The following ARMC3 variants were observed in gnomAD, a reference collection of about 807,000 sequenced individuals.
ARMC3 encodes the protein armadillo repeat-containing protein 3.
ARMC3 carries 74 observed loss-of-function variants against 90.3 expected under a neutral mutation model. The ratio of observed to expected loss-of-function variants is 0.82; its 90% CI spans 0.68 to 0.99. The LOEUF (loss-of-function observed/expected upper bound fraction) is 0.99. ARMC3 is among the 50% of genes least tolerant of loss of function. The pLI is 0.00. For missense variants in ARMC3, 958 were observed against 1,042.8 expected (o/e 0.92, Z 1.12); for synonymous variants, 334 against 361.8 (o/e 0.92, Z 0.87).
chr10:22,976,746 C>T (rs553343919), intron 8 of ARMC3, among the ~76,000 whole-genome samples: 2 of 152,254 alleles, frequency 1.3e-5, no homozygotes, highest in African/African-American at 4.8e-5. Flanking sequence ...TGACAGCTTC[C>T]AAGCACATCC....
chr10:23,008,402 C>A, intron 15 of ARMC3, 28 bp downstream of exon 15: 1 of 1,190,720 alleles, frequency 8.4e-7, no homozygotes, highest in Non-Finnish European at 1.2e-6. Flanking sequence ...TATCTGTATG[C>A]AAACAGCTTC....
chr10:22,933,998 A>C (rs144413261), intron 2 of ARMC3, among the ~76,000 whole-genome samples: 94 of 152,320 alleles, frequency 6.2e-4, no homozygotes, highest in Middle Eastern at 3.4e-3. Context: ...AGTATGCCAC[A>C]ATTTACAGTA....
At chr10:23,007,246 C>T (rs1379653639) in intron 14 of ARMC3, among the ~76,000 whole-genome samples, 1 of 152,168 alleles carries the variant, frequency 6.6e-6, no homozygotes, top group Non-Finnish European at 1.5e-5. Context: ...GAAGTCAAGG[C>T]CTCTTACCAT....
chr10:22,940,936 T>G (rs549463004), intron 2 of ARMC3, among the ~76,000 whole-genome samples: 1 of 152,286 alleles, frequency 6.6e-6, no homozygotes, highest in East Asian at 1.9e-4. Flanking sequence ...TGGTTCCAAC[T>G]TGAAACAACC....
Position 23,032,917 on chromosome 10 carries a change from G to C in ARMC3, c.2303G>C (p.Ser768Thr). Residue 768 changes from serine to threonine, a missense_variant, in exon 18 of 19, where the codon AGC becomes ACC. Ser to Thr is a moderately conservative substitution (Grantham distance 58). Coordinates refer to ENST00000298032, the MANE Select transcript of ARMC3 (RefSeq NM_173081.5). ...KIPKEKLPDF[S>T]WELHISELKF... ...CCAAAAGAGAAACTACCTGATTTCA[G>C]CTGGGAACTTCACATAAGTGAACTG... is the stretch of plus-strand genomic sequence containing the variant. 2 of 1,613,050 alleles carry C rather than the reference G, an allele frequency of 1.2e-6. No individual in the cohort carries two copies. The highest frequency in any genetic ancestry group is 1.7e-6 in the Non-Finnish European group (2 of 1,179,430).
chr10:23,021,267 A>G (rs895785742), intron 16 of ARMC3, among the ~76,000 whole-genome samples: 4 of 152,228 alleles, frequency 2.6e-5, no homozygotes, highest in Non-Finnish European at 4.4e-5. Context: ...TAGTGCTGCA[A>G]TGAACATAGG....
In ARMC3 at chr10:23,030,614, A is replaced by T. The variant is rs779246328; in HGVS notation, c.2064A>T (p.Lys688Asn). 2 of 1,613,092 alleles carry T rather than the reference A, an allele frequency of 1.2e-6. No individual in the cohort carries two copies. Among genetic ancestry groups the T allele is most frequent in the Non-Finnish European group, 1.7e-6 (2 of 1,179,544 alleles). The change falls in exon 17 of 19, where the codon AAA (lysine) becomes AAT (asparagine). Residue 688 changes from lysine (K) to asparagine (N), a missense_variant. Lys to Asn is a moderately conservative substitution (Grantham distance 94, BLOSUM62 0). Coordinates refer to ENST00000298032, the MANE Select transcript of ARMC3 (RefSeq NM_173081.5). ...EKGWRKSKGK[K>N]EEEKVKEEEE... ...TTCAAAGGAAAAGCAAAGGAAAAAA[A>T]GAAGAGGAAAAAGTGAAAGAGGAGG...
At chr10:22,947,234 AG>A (rs1345174444) in intron 3 of ARMC3, among the ~76,000 whole-genome samples, 1 of 151,780 alleles carries the variant, frequency 6.6e-6, no homozygotes, top group Non-Finnish European at 1.5e-5. Flanking sequence ...TGACCCTGGG[AG>A]GCAGAGGTTG....
intron 6 of ARMC3, chr10:22,960,489 T>TA (rs1174570556): frequency 6.6e-6 from 1 of 152,100 alleles, no homozygotes; most frequent in African/African-American, 2.4e-5. Flanking sequence ...CCTCCCTCCC[T>TA]AAAAAAGAGA....
At chr10:22,930,133 C>CT (rs982416226) in intron 1 of ARMC3, among the ~76,000 whole-genome samples, 20 of 149,626 alleles carry the variant, frequency 1.3e-4, no homozygotes, top group Admixed American at 5.3e-4. Context: ...TAAACTCTCT[C>CT]TTTTTTTTTT....
In ARMC3 at chr10:23,037,307, T is replaced by G. The variant is rs1197473469; in HGVS notation, c.2447T>G (p.Val816Gly). The change falls in exon 19 of 19, where the codon GTT (valine) becomes GGT (glycine). Residue 816 changes from valine (V) to glycine (G), a missense_variant. By Grantham distance (109) the Val-to-Gly change is moderately radical. Coordinates refer to ENST00000298032, the MANE Select transcript of ARMC3 (RefSeq NM_173081.5). Reference protein sequence around the residue: ...ADRIGIGCSLVRGEYGRAWNE... With the variant: ...ADRIGIGCSLGRGEYGRAWNE... ...AGAATTGGCATTGGTTGCTCCCTAG[T>G]TCGCGGAGAGTACGGTAGAGCGTGG... The G allele has an allele frequency of 5.0e-6, 8 of 1,609,232 alleles. No individual in the cohort carries two copies. The highest frequency in any genetic ancestry group is 6.8e-6 in the Non-Finnish European group (8 of 1,176,762).
intron 1 of ARMC3, among the ~76,000 whole-genome samples, chr10:22,929,795 C>T (rs1187588453): frequency 1.3e-5 from 2 of 152,172 alleles, no homozygotes; most frequent in Non-Finnish European, 2.9e-5. Context: ...AGGTGATCCA[C>T]CCGCCTCAGC....
At chr10:23,032,741 A>G in intron 17 of ARMC3, 120 bp from the exon 18 acceptor site, 1 of 1,076,700 alleles carries the variant, frequency 9.3e-7, no homozygotes, top group South Asian at 1.7e-5. Flanking sequence ...TCAAAAATAA[A>G]GCACAACAAA....
At chr10:22,946,450 G>T in intron 3 of ARMC3, 189 bp downstream of exon 3, 1 of 416,990 alleles carries the variant, frequency 2.4e-6, no homozygotes, top group African/African-American at 2.0e-5. Flanking sequence ...TAATCTTAAG[G>T]AGTAATTTAG....
chr10:22,982,327 G>T (rs943095904), intron 10 of ARMC3, among the ~76,000 whole-genome samples: 4 of 152,186 alleles, frequency 2.6e-5, no homozygotes, highest in Non-Finnish European at 5.9e-5. Flanking sequence ...GCAGTGAGCC[G>T]AGCTCGTGCC....
chr10:22,965,814 T>C (rs1286906821), intron 7 of ARMC3, among the ~76,000 whole-genome samples: 1 of 152,206 alleles, frequency 6.6e-6, no homozygotes, highest in East Asian at 1.9e-4. Context: ...TTTTTCTTTC[T>C]AGTTTTTGTA....
At chr10:22,929,257 A>AGAGAGAGAGG (rs1833833308) in intron 1 of ARMC3, among the ~76,000 whole-genome samples, 2 of 150,962 alleles carry the variant, frequency 1.3e-5, no homozygotes, top group Admixed American at 6.6e-5. Flanking sequence ...AAGAGAAGAG[A>AGAGAGAGAGG]GAGAGAGAGG....
Position 23,008,940 on chromosome 10 carries a change from G to T in ARMC3, c.2045+9G>T, listed in dbSNP as rs202133072. 7.0e-5 allele frequency: 113 copies of T among 1,608,804 alleles called. No homozygotes were observed. The highest frequency in any genetic ancestry group is 2.3e-5 in the Non-Finnish European group (27 of 1,176,438). On this transcript the variant is annotated intron_variant, in intron 16 of 18. Coordinates refer to ENST00000298032, the MANE Select transcript of ARMC3 (RefSeq NM_173081.5). ...AAAGAAAAAGGATGGAGGTAAGAAAGTGTCCTGAGTTCCTCATTACCCAGC... is the reference window on the plus strand; with the variant it reads ...AAAGAAAAAGGATGGAGGTAAGAAATTGTCCTGAGTTCCTCATTACCCAGC...
chr10:23,002,175 G>A, intron 12 of ARMC3, 120 bp downstream of exon 12: 30 of 1,381,576 alleles, frequency 2.2e-5, no homozygotes, highest in Non-Finnish European at 2.8e-5. Context: ...CCGCTGAAGC[G>A]CTGCATGTCC....
Sources: allele counts gnomAD v4.1 joint callset (sites outside exome capture counted in the v4.1 genomes callset), GRCh38; gene constraint gnomAD v4.1.1; transcripts MANE v1.5; gene names NCBI Gene and HGNC (gene_info 2026-07-23, HGNC 2026-07-21).